The following DAB1 variants were observed in gnomAD, a reference collection of about 807,000 sequenced individuals.
The protein encoded by DAB1 is DAB adaptor protein 1.
Under a neutral mutation model 64.6 loss-of-function variants are expected in DAB1, and 15 were observed. That is an observed-to-expected ratio of 0.23 (90% CI 0.16 to 0.36). The LOEUF (loss-of-function observed/expected upper bound fraction) is 0.36. Among genes scored for constraint, DAB1 ranks in the 10% least tolerant of loss-of-function variants. The pLI is 1.00. For missense variants in DAB1, 596 were observed against 706.7 expected, an observed-to-expected ratio of 0.84 and a Z score of 1.78; for synonymous variants, 235 against 251.9, an observed-to-expected ratio of 0.93 and a Z score of 0.64.
At chr1:57,783,715 C>T (rs1022400420) in intron 6 of DAB1, among the ~76,000 whole-genome samples, 10 of 152,108 alleles carry the variant, frequency 6.6e-5, no homozygotes, top group South Asian at 2.1e-4. Flanking sequence ...GGTAGTAATA[C>T]TTGCAATATT....
At chr1:58,298,144 A>G (rs1386139345) in intron 4 of DAB1, among the ~76,000 whole-genome samples, 2 of 152,228 alleles carry the variant, frequency 1.3e-5, no homozygotes, top group Non-Finnish European at 2.9e-5. Flanking sequence ...TCTTTCTAAG[A>G]CATTTCTAGT....
intron 5 of DAB1, among the ~76,000 whole-genome samples, chr1:58,092,290 A>C (rs1347950728): frequency 6.6e-6 from 1 of 151,260 alleles, no homozygotes; most frequent in Non-Finnish European, 1.5e-5. Context: ...TCAAGATCGC[A>C]CCACTGTACT....
intron 6 of DAB1, among the ~76,000 whole-genome samples, chr1:57,790,791 T>TAAC (rs1650558818): frequency 6.6e-6 from 1 of 152,196 alleles, no homozygotes; most frequent in Non-Finnish European, 1.5e-5. Context: ...GAATGGCGAA[T>TAAC]AACATCATGT....
chr1:57,139,958 T>A (rs1017713062), intron 3 of DAB1, among the ~76,000 whole-genome samples: 2 of 152,150 alleles, frequency 1.3e-5, no homozygotes, highest in African/African-American at 4.8e-5. Context: ...AAGTCCCATC[T>A]TATCAAGCAT....
chr1:57,760,657 C>G (rs1180115873), intron 6 of DAB1, among the ~76,000 whole-genome samples: 2 of 151,650 alleles, frequency 1.3e-5, no homozygotes, highest in Non-Finnish European at 2.9e-5. Context: ...CACACACACA[C>G]AGACACACAC....
intron 1 of DAB1, among the ~76,000 whole-genome samples, chr1:57,377,368 A>G (rs936537326): frequency 5.9e-5 from 9 of 152,176 alleles, no homozygotes; most frequent in African/African-American, 2.2e-4. Flanking sequence ...TGCCCACATC[A>G]AATTCATCTA....
intron 5 of DAB1, among the ~76,000 whole-genome samples, chr1:58,097,056 C>G (rs1013699797): frequency 3.3e-5 from 5 of 152,230 alleles, no homozygotes; most frequent in Non-Finnish European, 5.9e-5. Flanking sequence ...TACCCTTAAC[C>G]CTTTTTCATT....
Position 57,290,993 on chromosome 1 carries a change from G to T in DAB1, c.38C>A (p.Thr13Asn). The change falls in exon 2 of 15, where the codon ACC (threonine) becomes AAC (asparagine). Residue 13 changes from threonine to asparagine, a missense_variant. By Grantham distance (65) the Thr-to-Asn change is moderately conservative. Transcript: ENST00000371236. ...TETELQVAVK[T>N]SAKKDSRKKG... is the part of the protein sequence containing the mutation. Reference sequence around the variant, plus strand: ...CTTTCTGGAGTCTTTCTTGGCGCTGGTTTTCACAGCTACTTGAAGTTCTGT... The same window carrying T: ...CTTTCTGGAGTCTTTCTTGGCGCTGTTTTTCACAGCTACTTGAAGTTCTGT... The T allele has an allele frequency of 6.2e-7, 1 of 1,611,614 alleles. No individual in the cohort carries two copies. The highest frequency in any genetic ancestry group is 8.5e-7 in the Non-Finnish European group (1 of 1,178,802).
intron 1 of DAB1, among the ~76,000 whole-genome samples, chr1:57,354,885 A>G (rs1006520425): frequency 3.3e-5 from 5 of 152,052 alleles, no homozygotes; most frequent in African/African-American, 1.2e-4. Context: ...GACTTCCAGG[A>G]TTTATCATGC....
At chr1:57,807,473 C>G (rs894155503) in intron 6 of DAB1, among the ~76,000 whole-genome samples, 5 of 152,142 alleles carry the variant, frequency 3.3e-5, no homozygotes, top group Non-Finnish European at 7.4e-5. Flanking sequence ...GCAATTAAAT[C>G]ATTTTCTTCT....
chr1:57,471,042 C>T (rs564911537), intron 7 of DAB1, among the ~76,000 whole-genome samples: 99 of 152,280 alleles, frequency 6.5e-4, no homozygotes, highest in Non-Finnish European at 1.3e-3. Context: ...AATTCTGAGT[C>T]CTCAAAATAA....
chr1:58,145,931 C>T (rs1015772073), intron 5 of DAB1, among the ~76,000 whole-genome samples: 1 of 152,148 alleles, frequency 6.6e-6, no homozygotes, highest in South Asian at 2.1e-4. Context: ...GCAAGACTAA[C>T]CCCTCCTCCT....
chr1:58,507,394 C>T (rs190615198), intron 2 of DAB1, among the ~76,000 whole-genome samples: 77 of 151,948 alleles, frequency 5.1e-4, no homozygotes, highest in African/African-American at 1.6e-3. Context: ...TAGTCAACAA[C>T]CATGCTACAT....
chr1:58,452,453 T>TTTCATTCACTGCTGGTGGAAATGCAACA (rs1645148152), intron 3 of DAB1, among the ~76,000 whole-genome samples: 1 of 151,600 alleles, frequency 6.6e-6, no homozygotes, highest in Non-Finnish European at 1.5e-5. Context: ...CAACTGGAAC[T>TTTCATTCACTGCTGGTGGAAATGCAACA]TTCATTCACT....
At chr1:58,032,483 C>G (rs1040099944) in intron 5 of DAB1, among the ~76,000 whole-genome samples, 1 of 152,156 alleles carries the variant, frequency 6.6e-6, no homozygotes, top group Non-Finnish European at 1.5e-5. Context: ...TTTGAATTCC[C>G]CATCAAAACC....
chr1:57,139,842 C>T (rs510824), intron 3 of DAB1, among the ~76,000 whole-genome samples: 40,449 of 152,010 alleles, frequency 0.27, 8,437 homozygotes, highest in African/African-American at 0.58. Context: ...AAAAAGCCAA[C>T]ATACATGTTC....
intron 3 of DAB1, among the ~76,000 whole-genome samples, chr1:58,460,893 G>A (rs1645237303): frequency 6.6e-6 from 1 of 152,200 alleles, no homozygotes; most frequent in South Asian, 2.1e-4. Context: ...AAGTGTAAGT[G>A]CCCCATGGTG....
intron 6 of DAB1, among the ~76,000 whole-genome samples, chr1:57,783,835 C>T (rs1650219798): frequency 6.6e-6 from 1 of 152,146 alleles, no homozygotes; most frequent in Admixed American, 6.6e-5. Flanking sequence ...CATATAAAAT[C>T]AACAACTTAA....
intron 1 of DAB1, among the ~76,000 whole-genome samples, chr1:57,832,793 T>A (rs963927986): frequency 6.6e-6 from 1 of 152,104 alleles, no homozygotes; most frequent in Non-Finnish European, 1.5e-5. Flanking sequence ...AGGACTGAAG[T>A]GGATTGTTTA....
Sources: gnomAD v4.1 joint callset for allele counts (sites outside exome capture counted in the v4.1 genomes callset) on GRCh38, gnomAD v4.1.1 for gene constraint, MANE v1.5 for transcripts, NCBI Gene and HGNC (gene_info 2026-07-23, HGNC 2026-07-21) for gene names.